TMCO6: variants seen among roughly 807,000 people sequenced by gnomAD.
The protein encoded by TMCO6 is transmembrane and coiled-coil domains 6, also known as transmembrane and coiled-coil domain-containing protein 6.
A neutral mutation model predicts 61.8 loss-of-function variants in TMCO6; 47 were observed. The ratio of observed to expected loss-of-function variants is 0.76; its 90% CI spans 0.60 to 0.97. The LOEUF (loss-of-function observed/expected upper bound fraction) is 0.97, where lower values mean the gene tolerates loss of function less well. TMCO6 is among the 50% of genes least tolerant of loss of function. The probability of loss-of-function intolerance (pLI) is 0.00; values close to 1 mark genes in which losing one functional copy is unlikely to be tolerated. For synonymous variants in TMCO6, 261 were observed against 254.2 expected, an observed-to-expected ratio of 1.03 and a Z score of -0.25; for missense variants, 557 against 601.6, an observed-to-expected ratio of 0.93 and a Z score of 0.78.
downstream of TMCO6, chr5:140,645,833 C>A: frequency 7.6e-7 from 1 of 1,311,374 alleles, no homozygotes; most frequent in Non-Finnish European, 1.1e-6. Flanking sequence ...AGAATTAATA[C>A]AATAGGTCTC....
chr5:140,644,259 GCC>G lies in TMCO6; in HGVS notation c.1200+67_1200+68del, dbSNP rs1757246538. On this transcript the variant is annotated intron_variant, in intron 10 of 11. Transcript: ENST00000394671. Reference sequence around the variant, plus strand: ...GGATTGTATGGGACAGCAGTCCTGAGCCCTCAGATGTACCCTTAGTTGAGAGC... The same window carrying G: ...GGATTGTATGGGACAGCAGTCCTGAGCTCAGATGTACCCTTAGTTGAGAGC... 8 of 1,528,266 alleles carry G rather than the reference GCC, an allele frequency of 5.2e-6. No individual in the cohort carries two copies. The East Asian group carries it at 1.6e-4, about 30-fold the overall frequency. 94.7% of individuals were successfully genotyped at this position (1,528,266 alleles called of 1,614,324 possible). A position where few individuals can be genotyped will look rare whatever the true frequency, so the allele number is the denominator to read the frequency against.
rs749852090 is a variant in TMCO6 at position 140,641,771 on chromosome 5, CCTT to C, written c.307_309del (p.Phe103del). The C allele has an allele frequency of 6.2e-7, 1 of 1,614,092 alleles. No individual in the cohort carries two copies. Among genetic ancestry groups the C allele is most frequent in the Non-Finnish European group, 8.5e-7 (1 of 1,180,058 alleles). ...TTGCAGCACCCTGAAACACAGCAAA[CCTT>C]CATCCGGTCAGTGTGGATGGTGTGG... On this transcript the variant is annotated inframe_deletion, in exon 3 of 12. Transcript: ENST00000394671.
At chr5:140,605,899 T>G in the TMCO6 span, among the ~76,000 whole-genome samples, 2 of 152,210 alleles carry the variant, frequency 1.3e-5, no homozygotes, top group Admixed American at 1.3e-4. Context: ...TCTCTTGTTA[T>G]AAATATGTTG....
the TMCO6 span, among the ~76,000 whole-genome samples, chr5:140,599,241 A>T: frequency 6.6e-6 from 1 of 152,242 alleles, no homozygotes; most frequent in African/African-American, 2.4e-5. Context: ...AAGTGAGCAC[A>T]CTGGGAAATT....
At chr5:140,621,444 T>C in the TMCO6 span, among the ~76,000 whole-genome samples, 2 of 152,328 alleles carry the variant, frequency 1.3e-5, no homozygotes, top group Non-Finnish European at 2.9e-5. Context: ...GTCAATACCC[T>C]TGTGATTTCC....
chr5:140,614,513 A>AAACAACAACAAC, the TMCO6 span, among the ~76,000 whole-genome samples: 15 of 151,576 alleles, frequency 9.9e-5, no homozygotes, highest in African/African-American at 3.2e-4. Context: ...ACTCTGTTTT[A>AAACAACAACAAC]AACAACAACA....
the TMCO6 span, among the ~76,000 whole-genome samples, chr5:140,604,471 C>G: frequency 6.6e-5 from 10 of 151,662 alleles, no homozygotes; most frequent in African/African-American, 2.4e-4. Flanking sequence ...ATACTGCATA[C>G]TAGACCCTTA....
chr5:140,632,785 C>A, the TMCO6 span: 3 of 1,613,490 alleles, frequency 1.9e-6, no homozygotes, highest in African/African-American at 4.0e-5. The surrounding 1 kb of genome is among the most constrained non-coding windows in gnomAD (Gnocchi z 6.2). Flanking sequence ...AGAAACGGCT[C>A]TAGGTTGAGA....
At chr5:140,644,274 CTTAG>C in intron 10 of TMCO6, 80 bp downstream of exon 10, 1 of 1,467,938 alleles carries the variant, frequency 6.8e-7, no homozygotes, top group Non-Finnish European at 9.5e-7. Flanking sequence ...CAGATGTACC[CTTAG>C]TTGAGAGCCA....
the TMCO6 span, among the ~76,000 whole-genome samples, chr5:140,613,666 C>T: frequency 3.9e-5 from 6 of 152,040 alleles, no homozygotes; most frequent in African/African-American, 1.2e-4. Context: ...CCAAGTTTTC[C>T]GTCTACTGTT....
At chr5:140,628,490 G>C in the TMCO6 span, among the ~76,000 whole-genome samples, 1 of 151,700 alleles carries the variant, frequency 6.6e-6, no homozygotes, top group African/African-American at 2.4e-5. Flanking sequence ...CCAGGCTAGA[G>C]TGTAGTGGTG....
the TMCO6 span, among the ~76,000 whole-genome samples, chr5:140,629,579 C>G: frequency 1.3e-5 from 2 of 152,034 alleles, no homozygotes; most frequent in Non-Finnish European, 2.9e-5. Context: ...ATTATATATA[C>G]GCAAATATTC....
rs767528766 is a variant in TMCO6, at chr5:140,644,674, T to G, written c.1302T>G (p.Phe434Leu). The change falls in exon 11 of 12, where the codon TTT becomes TTG. Residue 434 changes from phenylalanine (F) to leucine (L), a missense_variant. Coordinates refer to ENST00000394671, the MANE Select transcript of TMCO6 (RefSeq NM_018502.5). ...LLPALLHTLA[F>L]SDTEVVGQSL... ...CCGCCTTGCTGCACACACTAGCCTT[T>G]TCTGACACTGAAGTAGTAGGCCAGA... 191 of 1,614,244 alleles carry G rather than the reference T, an allele frequency of 1.2e-4. No homozygotes were observed. Among genetic ancestry groups the G allele is most frequent in the Middle Eastern group, 3.3e-4 (2 of 6,062 alleles).
the TMCO6 span, among the ~76,000 whole-genome samples, chr5:140,601,288 A>G: frequency 6.6e-6 from 1 of 152,134 alleles, no homozygotes; most frequent in African/African-American, 2.4e-5. Context: ...TGGGTCTGCA[A>G]TGGCTGTGGG....
chr5:140,613,451 C>T, the TMCO6 span, among the ~76,000 whole-genome samples: 1 of 141,382 alleles, frequency 7.1e-6, no homozygotes, highest in Admixed American at 7.2e-5. Flanking sequence ...GATGGGGTGA[C>T]ATCTGAGTTG....
chr5:140,629,716 C>G, the TMCO6 span, among the ~76,000 whole-genome samples: 1 of 152,084 alleles, frequency 6.6e-6, no homozygotes, highest in African/African-American at 2.4e-5. Context: ...GGCAGATCAC[C>G]TGAGGTTGGG....
intron 2 of TMCO6, chr5:140,641,025 T>G (rs1448253590): frequency 6.5e-6 from 1 of 154,670 alleles, no homozygotes; most frequent in African/African-American, 2.4e-5. Context: ...CAGGACACTG[T>G]GCTGGTCACT....
At chr5:140,645,447 G>A (rs1193403439), downstream of TMCO6, 3 of 1,110,404 alleles carry the variant, frequency 2.7e-6, no homozygotes, top group Admixed American at 2.0e-5. Context: ...GTAGAGGGTA[G>A]ATGAGGACAA....
intron 11 of TMCO6, 58 bp from the exon 12 acceptor site, chr5:140,644,927 G>C: frequency 1.3e-6 from 2 of 1,575,814 alleles, no homozygotes; most frequent in Non-Finnish European, 8.7e-7. Context: ...TGAGGCTGTG[G>C]GAATTGAGTC....
Sources: allele counts gnomAD v4.1 joint callset (sites outside exome capture counted in the v4.1 genomes callset), GRCh38; gene constraint gnomAD v4.1.1; non-coding constraint Gnocchi (gnomAD v3.1); transcripts MANE v1.5; gene names NCBI Gene and HGNC (gene_info 2026-07-23, HGNC 2026-07-21).